MYRIP: variants seen among roughly 807,000 people sequenced by gnomAD.
The protein encoded by MYRIP is myosin VIIA and Rab interacting protein, also known as rab effector MyRIP.
Under a neutral mutation model 98.0 loss-of-function variants are expected in MYRIP, and 49 were observed. That is an observed-to-expected ratio of 0.50 (90% CI 0.40 to 0.63). The LOEUF is 0.63. Ranked by LOEUF, MYRIP falls within the 30% of genes least tolerant of loss-of-function variation. The pLI is 0.00. For synonymous variants in MYRIP, 404 were observed against 409.5 expected, an observed-to-expected ratio of 0.99 and a Z score of 0.16; for missense variants, 1,004 against 1,058.2, an observed-to-expected ratio of 0.95 and a Z score of 0.71.
chr3:40,177,360 C>T (rs1223158111), intron 8 of MYRIP, among the ~76,000 whole-genome samples: 1 of 152,172 alleles, frequency 6.6e-6, no homozygotes, highest in Non-Finnish European at 1.5e-5. Context: ...TATCCTGAGA[C>T]AGAATCCTGA....
intron 2 of MYRIP, among the ~76,000 whole-genome samples, chr3:39,983,215 T>G (rs1575436039): frequency 6.6e-6 from 1 of 152,216 alleles, no homozygotes; most frequent in South Asian, 2.1e-4. Context: ...TGCCAGTGCC[T>G]GTGCAGTACA....
intron 1 of MYRIP, among the ~76,000 whole-genome samples, chr3:39,840,335 TC>T (rs1008518672): frequency 1.3e-5 from 2 of 152,216 alleles, no homozygotes; most frequent in African/African-American, 4.8e-5. Context: ...TAAATCTTTC[TC>T]CTTCCCTTTA....
chr3:39,842,010 C>T (rs528168739), intron 1 of MYRIP, among the ~76,000 whole-genome samples: 2 of 152,334 alleles, frequency 1.3e-5, no homozygotes, highest in African/African-American at 4.8e-5. Context: ...CTGATCTCTT[C>T]AGAGCCGGCA....
Position 40,055,382 on chromosome 3 carries a change from G to A in MYRIP, c.332+11111G>A, listed in dbSNP as rs185742557. Among the ~76,000 whole-genome samples, 470 of 152,236 alleles carry A rather than the reference G, an allele frequency of 3.1e-3. 1 individual carries two copies. Among genetic ancestry groups the A allele is most frequent in the African/African-American group, 0.011 (449 of 41,566 alleles). ...GCCAGTATAAAAAGGCTATCAAATAGAAAACAAACTGCCATCATAGGTAAT... is the reference window on the plus strand; with the variant it reads ...GCCAGTATAAAAAGGCTATCAAATAAAAAACAAACTGCCATCATAGGTAAT... On this transcript the variant is annotated intron_variant, in intron 3 of 16. Transcript: ENST00000302541.
intron 2 of MYRIP, among the ~76,000 whole-genome samples, chr3:39,981,922 T>A (rs939935475): frequency 1.3e-5 from 2 of 152,064 alleles, no homozygotes; most frequent in Non-Finnish European, 2.9e-5. Context: ...CTGATTGGAT[T>A]GGAGAACACA....
At chr3:40,084,716 C>T (rs577057705) in intron 3 of MYRIP, among the ~76,000 whole-genome samples, 13 of 148,154 alleles carry the variant, frequency 8.8e-5, no homozygotes, top group South Asian at 2.2e-4. Flanking sequence ...TAATATGTAT[C>T]TATGTATTAC....
intron 2 of MYRIP, among the ~76,000 whole-genome samples, chr3:39,954,279 C>T (rs1014360394): frequency 2.6e-5 from 4 of 152,100 alleles, no homozygotes; most frequent in African/African-American, 7.2e-5. Context: ...CAATTGACAC[C>T]TCATACAGCC....
intron 3 of MYRIP, among the ~76,000 whole-genome samples, chr3:40,120,473 C>A (rs971177071): frequency 1.3e-5 from 2 of 152,174 alleles, no homozygotes; most frequent in South Asian, 4.1e-4. Flanking sequence ...ATCAGTGTGT[C>A]AGGACATCGG....
At chr3:39,925,135 A>G (rs9863416) in intron 2 of MYRIP, among the ~76,000 whole-genome samples, 55,800 of 151,028 alleles carry the variant, frequency 0.37, 10,607 homozygotes, top group East Asian at 0.45. Flanking sequence ...TTGTAAACAG[A>G]AAAACAATAA....
chr3:40,017,379 G>T (rs756403265), intron 2 of MYRIP, among the ~76,000 whole-genome samples: 2 of 152,134 alleles, frequency 1.3e-5, no homozygotes, highest in Non-Finnish European at 2.9e-5. Context: ...CCTTGATCAG[G>T]TTCAATCCCT....
At chr3:40,070,669 C>G (rs187629850) in intron 3 of MYRIP, among the ~76,000 whole-genome samples, 1 of 152,196 alleles carries the variant, frequency 6.6e-6, no homozygotes, top group Non-Finnish European at 1.5e-5. Context: ...GGTACACGCT[C>G]CTCATGAGAA....
intron 1 of MYRIP, among the ~76,000 whole-genome samples, chr3:39,860,929 G>A (rs182636028): frequency 6.6e-6 from 1 of 152,220 alleles, no homozygotes; most frequent in Non-Finnish European, 1.5e-5. Flanking sequence ...TTCTGCCACT[G>A]GAGTGAACAT....
chr3:40,229,481 G>A (rs973563289), intron 11 of MYRIP, among the ~76,000 whole-genome samples: 3 of 152,154 alleles, frequency 2.0e-5, no homozygotes, highest in African/African-American at 7.2e-5. Flanking sequence ...AATGACTGTC[G>A]TAAAGGCCTG....
chr3:40,103,322 C>T (rs1452444115), intron 3 of MYRIP, among the ~76,000 whole-genome samples: 3 of 152,208 alleles, frequency 2.0e-5, no homozygotes, highest in African/African-American at 7.2e-5. Context: ...CTGCCTGCCC[C>T]AAGAACTCTC....
At position 39,881,736 on chromosome 3, in the gene MYRIP, A is replaced by G. The variant is rs532812803; in HGVS notation, c.-30-19051A>G. 3.9e-5 allele frequency among the ~76,000 whole-genome samples: 6 copies of G among 152,212 alleles called. 1 individual carries two copies. The South Asian group carries it at 1.2e-3, about 32-fold the overall frequency. On this transcript the variant is annotated intron_variant, in intron 1 of 16. Coordinates refer to ENST00000302541, the MANE Select transcript of MYRIP (RefSeq NM_015460.4). ...TTTTGGAGGACCCTGGTGACTCCTG[A>G]TATTTTAACCTTTTTAGCTCTTACC...
At chr3:40,151,505 G>A (rs1336765443) in intron 4 of MYRIP, among the ~76,000 whole-genome samples, 6 of 152,156 alleles carry the variant, frequency 3.9e-5, no homozygotes, top group Admixed American at 6.5e-5. Context: ...TGATTAAAAC[G>A]TTGGAAAGTC....
intron 3 of MYRIP, among the ~76,000 whole-genome samples, chr3:40,114,591 A>G (rs1352370423): frequency 6.6e-6 from 1 of 152,258 alleles, no homozygotes; most frequent in African/African-American, 2.4e-5. Flanking sequence ...TCACAAATCA[A>G]TGGCAACAAG....
chr3:40,162,207 A>C (rs1950410769), intron 4 of MYRIP, among the ~76,000 whole-genome samples: 1 of 151,910 alleles, frequency 6.6e-6, no homozygotes, highest in South Asian at 2.1e-4. Flanking sequence ...ATATATATTT[A>C]TATAAGTATT....
chr3:40,034,964 A>G (rs545958000), intron 2 of MYRIP, among the ~76,000 whole-genome samples: 2 of 151,512 alleles, frequency 1.3e-5, no homozygotes, highest in Admixed American at 6.6e-5. Context: ...TCAGTAAACT[A>G]TCGCACAGAC....
Sources: allele counts gnomAD v4.1 joint callset (sites outside exome capture counted in the v4.1 genomes callset), GRCh38; gene constraint gnomAD v4.1.1; transcripts MANE v1.5; gene names NCBI Gene and HGNC (gene_info 2026-07-23, HGNC 2026-07-21).